Variants in SPIDR observed in about 807,000 individuals in gnomAD.
The protein encoded by SPIDR is DNA repair-scaffolding protein.
A neutral mutation model predicts 104.6 loss-of-function variants in SPIDR; 93 were observed. The ratio of observed to expected loss-of-function variants is 0.89; its 90% confidence interval spans 0.75 to 1.06. SPIDR has a LOEUF of 1.06. SPIDR is among the 50% of genes least tolerant of loss of function. The pLI is 0.00. For missense variants in SPIDR, 1,154 were observed against 1,111.2 expected (o/e 1.04, Z -0.55); for synonymous variants, 431 against 416.9 (o/e 1.03, Z -0.41).
At chr8:47,475,509 A>C (rs1380392260) in intron 8 of SPIDR, among the ~76,000 whole-genome samples, 1 of 152,252 alleles carries the variant, frequency 6.6e-6, no homozygotes, top group African/African-American at 2.4e-5. Flanking sequence ...GCCATGCACT[A>C]ACTTAAAGAG....
At chr8:47,598,925 C>T (rs2061938624) in intron 9 of SPIDR, 21 bp from the exon 10 acceptor site, 4 of 1,612,218 alleles carry the variant, frequency 2.5e-6, no homozygotes, top group Non-Finnish European at 3.4e-6. Flanking sequence ...TGAAACTGTT[C>T]CCTTTATGTG....
intron 16 of SPIDR, among the ~76,000 whole-genome samples, chr8:47,726,158 C>T (rs1320122474): frequency 6.6e-6 from 1 of 152,212 alleles, no homozygotes; most frequent in East Asian, 1.9e-4. Flanking sequence ...TCCCTTTGAC[C>T]CACTTTGACA....
At chr8:47,594,421 G>T (rs2061421499) in intron 8 of SPIDR, among the ~76,000 whole-genome samples, 1 of 151,940 alleles carries the variant, frequency 6.6e-6, no homozygotes, top group African/African-American at 2.4e-5. Flanking sequence ...TGGTATCCCA[G>T]CTGGGATACT....
At chr8:47,467,796 CA>C (rs1266061584) in intron 8 of SPIDR, among the ~76,000 whole-genome samples, 1 of 152,164 alleles carries the variant, frequency 6.6e-6, no homozygotes, top group Admixed American at 6.5e-5. Flanking sequence ...AAAACCAGCC[CA>C]AGACAAGGAT....
chr8:47,582,566 G>A (rs144156735), intron 8 of SPIDR, among the ~76,000 whole-genome samples: 3 of 152,142 alleles, frequency 2.0e-5, no homozygotes, highest in East Asian at 1.9e-4. Context: ...TGAGTTCCAC[G>A]TATATAACAT....
chr8:47,269,497 C>T (rs1434851854), intron 1 of SPIDR, among the ~76,000 whole-genome samples: 1 of 151,244 alleles, frequency 6.6e-6, no homozygotes, highest in Non-Finnish European at 1.5e-5. Context: ...ACCTCATGAT[C>T]CGCCCACCTT....
At chr8:47,317,474 C>A (rs1586843879) in intron 5 of SPIDR, among the ~76,000 whole-genome samples, 1 of 152,092 alleles carries the variant, frequency 6.6e-6, no homozygotes, top group Non-Finnish European at 1.5e-5. Context: ...CTGGATGGAG[C>A]CCACCACAGT....
At position 47,274,672 on chromosome 8, in the gene SPIDR, G is replaced by A. The variant is rs1304772736; in HGVS notation, c.34-5190G>A. Among the ~76,000 whole-genome samples, 4 of 151,312 alleles carry A rather than the reference G, an allele frequency of 2.6e-5. No homozygotes were observed. The East Asian group carries it at 7.9e-4, about 30-fold the overall frequency. On this transcript the variant is annotated intron_variant, in intron 1 of 19. Transcript: ENST00000297423. ...GGCTCACTGCAACCTCCGCCTCCTG[G>A]GTTCAAGCAATTTTCTGCCTCAGCC...
At chr8:47,716,386 T>C (rs781522319) in intron 16 of SPIDR, among the ~76,000 whole-genome samples, 4 of 152,200 alleles carry the variant, frequency 2.6e-5, no homozygotes, top group Admixed American at 6.5e-5. Context: ...TGTGATTCCA[T>C]TGTTGCTTTC....
chr8:47,418,923 T>G (rs2064888644), intron 7 of SPIDR, among the ~76,000 whole-genome samples: 1 of 152,226 alleles, frequency 6.6e-6, no homozygotes, highest in Non-Finnish European at 1.5e-5. Context: ...GTTACGTTTA[T>G]TGATTTGCAT....
chr8:47,374,310 C>T (rs1349248622), intron 5 of SPIDR, among the ~76,000 whole-genome samples: 2 of 151,908 alleles, frequency 1.3e-5, no homozygotes, highest in African/African-American at 4.8e-5. Context: ...TCACTTGAGC[C>T]GAGGAGTTCG....
chr8:47,640,636 G>A (rs183604471), intron 10 of SPIDR, among the ~76,000 whole-genome samples: 26 of 151,486 alleles, frequency 1.7e-4, no homozygotes, highest in Admixed American at 1.4e-3. Flanking sequence ...AAAATTTTAT[G>A]CTATGGACTA....
At chr8:47,672,810 G>T (rs527770689) in intron 10 of SPIDR, among the ~76,000 whole-genome samples, 1 of 152,106 alleles carries the variant, frequency 6.6e-6, no homozygotes, top group Non-Finnish European at 1.5e-5. Context: ...TCTTTGTTTG[G>T]TCTTATTCCA....
chr8:47,284,160 T>A, intron 3 of SPIDR, 66 bp downstream of exon 3: 2 of 1,381,094 alleles, frequency 1.4e-6, no homozygotes, highest in Non-Finnish European at 1.0e-6. Flanking sequence ...GTGATTATTT[T>A]AAAAATTTGC....
At chr8:47,343,456 C>T (rs2051176951) in intron 5 of SPIDR, among the ~76,000 whole-genome samples, 1 of 152,162 alleles carries the variant, frequency 6.6e-6, no homozygotes, top group African/African-American at 2.4e-5. Flanking sequence ...ACCAACTTGT[C>T]CAAGTTCAGT....
intron 18 of SPIDR, 141 bp downstream of exon 18, chr8:47,729,188 T>C: frequency 1.6e-5 from 24 of 1,517,698 alleles, no homozygotes; most frequent in Non-Finnish European, 2.0e-5. Context: ...CATCTGGAAC[T>C]CCCTCTAGGT....
chr8:47,571,111 T>A lies in SPIDR; in HGVS notation c.1098-24700T>A, dbSNP rs547402347. Among the ~76,000 whole-genome samples the A allele has an allele frequency of 2.0e-5, 3 of 151,812 alleles. No homozygotes were observed. The East Asian group carries it at 5.8e-4, about 29-fold the overall frequency. On this transcript the variant is annotated intron_variant, in intron 8 of 19. Transcript: ENST00000297423. Reference sequence around the variant, plus strand: ...GTCTCAAAAAAAAAAAAAGTTGAACTCGTAGAAACAGAGTAGAAGGGTGTA... The same window carrying A: ...GTCTCAAAAAAAAAAAAAGTTGAACACGTAGAAACAGAGTAGAAGGGTGTA...
chr8:47,447,279 T>A (rs2070833829), intron 8 of SPIDR, among the ~76,000 whole-genome samples: 1 of 152,196 alleles, frequency 6.6e-6, no homozygotes, highest in African/African-American at 2.4e-5. Context: ...AGTGGCACAG[T>A]CTCGGCTCAC....
chr8:47,296,648 G>C (rs2040894246), intron 5 of SPIDR, among the ~76,000 whole-genome samples: 1 of 152,046 alleles, frequency 6.6e-6, no homozygotes, highest in Non-Finnish European at 1.5e-5. Context: ...GTGCTGTTTT[G>C]GTTACATTAG....
Sources: gnomAD v4.1 joint callset for allele counts (sites outside exome capture counted in the v4.1 genomes callset) on GRCh38, gnomAD v4.1.1 for gene constraint, MANE v1.5 for transcripts, NCBI Gene and HGNC (gene_info 2026-07-23, HGNC 2026-07-21) for gene names.